Variants in SULF1 observed in about 807,000 individuals in gnomAD.
SULF1 encodes the protein extracellular sulfatase Sulf-1.
Under a neutral mutation model 110.5 loss-of-function variants are expected in SULF1, and 46 were observed. The ratio of observed to expected loss-of-function variants is 0.42; its 90% CI spans 0.33 to 0.53. SULF1 has a LOEUF of 0.53. SULF1 is among the 20% of genes least tolerant of loss of function. The pLI is 0.12. For synonymous variants in SULF1, 371 were observed against 387.1 expected, an observed-to-expected ratio of 0.96 and a Z score of 0.49; for missense variants, 941 against 1,094.2, an observed-to-expected ratio of 0.86 and a Z score of 1.98.
At chr8:69,571,886 A>C (rs562147030) in intron 5 of SULF1, among the ~76,000 whole-genome samples, 1 of 152,322 alleles carries the variant, frequency 6.6e-6, no homozygotes, top group Non-Finnish European at 1.5e-5. Flanking sequence ...ACTGGTACAC[A>C]CTAACACAGT....
rs141225696 is a variant in SULF1, at chr8:69,554,978, C to CAAAAAAAAAAAAAAAAAAAAA, written c.-133-8541_-133-8540insAAAAAAAAAAAAAAAAAAAAA. On this transcript the variant is annotated intron_variant, in intron 3 of 22. Coordinates refer to ENST00000402687, the MANE Select transcript of SULF1 (RefSeq NM_001128205.2). ...TGGGCGACAGGGCGAGATTCCATCT[C>CAAAAAAAAAAAAAAAAAAAAA]AAAAAAAAAAAAAAAAAAAACAAAA... 7.9e-5 allele frequency among the ~76,000 whole-genome samples: 5 copies of CAAAAAAAAAAAAAAAAAAAAA among 63,494 alleles called. 2 individuals carry two copies. The highest frequency in any genetic ancestry group is 3.0e-4 in the African/African-American group (3 of 10,050). 41.7% of individuals were successfully genotyped at this position (63,494 alleles called of 152,430 possible).
intron 8 of SULF1, among the ~76,000 whole-genome samples, chr8:69,591,398 C>CA (rs550550616): frequency 0.017 from 2,472 of 147,144 alleles, 26 homozygotes; most frequent in Middle Eastern, 0.045. Context: ...ACTAAAAATA[C>CA]AAAAAAAAAA....
At chr8:69,597,203 ATCT>A (rs1807409831) in intron 8 of SULF1, 1 of 152,262 alleles carries the variant, frequency 6.6e-6, no homozygotes, top group African/African-American at 2.4e-5. Flanking sequence ...AGAAGGCCGC[ATCT>A]TCGAGGAATT....
At chr8:69,549,976 A>G (rs1326044439) in intron 3 of SULF1, among the ~76,000 whole-genome samples, 1 of 151,996 alleles carries the variant, frequency 6.6e-6, no homozygotes, top group Non-Finnish European at 1.5e-5. Context: ...GGGGCTGTAC[A>G]TGGTGTGTGG....
chr8:69,520,485 A>G (rs1031345114), intron 3 of SULF1, among the ~76,000 whole-genome samples: 4 of 152,180 alleles, frequency 2.6e-5, no homozygotes, highest in African/African-American at 9.7e-5. Flanking sequence ...AACTCCTGAA[A>G]TTTTAAGATA....
intron 1 of SULF1, among the ~76,000 whole-genome samples, chr8:69,494,179 C>T (rs1810156685): frequency 6.6e-6 from 1 of 152,156 alleles, no homozygotes; most frequent in East Asian, 1.9e-4. Flanking sequence ...GCTGTAAGTG[C>T]TGTGATTCAT....
At chr8:69,477,790 G>T (rs1809361594) in intron 1 of SULF1, among the ~76,000 whole-genome samples, 1 of 151,992 alleles carries the variant, frequency 6.6e-6, no homozygotes, top group East Asian at 1.9e-4. Flanking sequence ...CACCTAGATG[G>T]CATTATTCTC....
intron 19 of SULF1, among the ~76,000 whole-genome samples, chr8:69,633,528 C>A (rs1189173356): frequency 6.6e-6 from 1 of 151,440 alleles, no homozygotes; most frequent in Non-Finnish European, 1.5e-5. Flanking sequence ...ACAGGGTTTC[C>A]CCATGTTGGC....
intron 3 of SULF1, among the ~76,000 whole-genome samples, chr8:69,546,670 G>C (rs1814279492): frequency 6.6e-6 from 1 of 152,118 alleles, no homozygotes; most frequent in Non-Finnish European, 1.5e-5. Context: ...ATTAATCCTT[G>C]AGTGATTTAC....
At chr8:69,603,096 T>A (rs1305086383) in intron 10 of SULF1, 96 bp from the exon 11 acceptor site, 1 of 1,544,274 alleles carries the variant, frequency 6.5e-7, no homozygotes, top group Admixed American at 1.7e-5. Context: ...GTGAGAAGAG[T>A]TGAAGGCCAA....
At chr8:69,605,058 A>C (rs940453567) in intron 13 of SULF1, 126 bp downstream of exon 13, 22 of 1,333,492 alleles carry the variant, frequency 1.6e-5, no homozygotes, top group Middle Eastern at 3.8e-4. Context: ...CCTTGAGGGC[A>C]AGCTCACTGA....
At chr8:69,549,525 A>G (rs1447145281) in intron 3 of SULF1, among the ~76,000 whole-genome samples, 11 of 139,416 alleles carry the variant, frequency 7.9e-5, no homozygotes, top group Admixed American at 7.9e-4. Flanking sequence ...ACAAGCCAGG[A>G]TGCCTGGCCT....
At chr8:69,582,350 G>C (rs984088384) in intron 6 of SULF1, among the ~76,000 whole-genome samples, 1 of 152,150 alleles carries the variant, frequency 6.6e-6, no homozygotes, top group African/African-American at 2.4e-5. Flanking sequence ...TACACTGCAG[G>C]ATGGAAAATC....
chr8:69,559,445 T>G lies in SULF1; in HGVS notation c.-133-4094T>G, dbSNP rs541519965. ...ACATTTGTTAACATCACTACCATTG[T>G]CATCAGAAAAAGTTTTACTTATTGG... On this transcript the variant is annotated intron_variant, in intron 3 of 22. Transcript: ENST00000402687. Among the ~76,000 whole-genome samples the G allele has an allele frequency of 2.6e-5, 4 of 152,342 alleles. No homozygotes were observed. The South Asian group carries it at 8.3e-4, about 32-fold the overall frequency.
At chr8:69,652,249 T>A (rs1387094659) in intron 22 of SULF1, among the ~76,000 whole-genome samples, 1 of 152,212 alleles carries the variant, frequency 6.6e-6, no homozygotes, top group African/African-American at 2.4e-5. Context: ...TCAGGATCCA[T>A]GACTTAGTCA....
chr8:69,635,953 T>C (rs1810960971), intron 19 of SULF1, among the ~76,000 whole-genome samples: 1 of 151,988 alleles, frequency 6.6e-6, no homozygotes, highest in Non-Finnish European at 1.5e-5. Flanking sequence ...TTACTTAACA[T>C]CTCCTTGCCT....
At chr8:69,606,106 C>G (rs1266613351) in intron 13 of SULF1, among the ~76,000 whole-genome samples, 2 of 152,202 alleles carry the variant, frequency 1.3e-5, no homozygotes, top group African/African-American at 4.8e-5. Flanking sequence ...TGGCCTCACT[C>G]ATTATACGCT....
In SULF1 at chr8:69,627,745, G is replaced by C. The variant is rs192816717; in HGVS notation, c.1948-27G>C. 6.4e-4 allele frequency: 940 copies of C among 1,466,472 alleles called. 8 individuals are homozygous for C. The highest frequency in any genetic ancestry group is 1.4e-3 in the Admixed American group (78 of 56,804). The allele number at this position is 1,466,472 out of a possible 1,614,324, so 90.8% of individuals were successfully genotyped here. On this transcript the variant is annotated intron_variant, in intron 16 of 22. Coordinates refer to ENST00000402687, the MANE Select transcript of SULF1 (RefSeq NM_001128205.2). ...GTAAAGAAAATCCTGATCTTAATAC[G>C]TAAGTGCTTGAAAACATGTTTTCCA...
chr8:69,473,480 G>C (rs773642947), intron 1 of SULF1, among the ~76,000 whole-genome samples: 1 of 152,222 alleles, frequency 6.6e-6, no homozygotes, highest in Non-Finnish European at 1.5e-5. Context: ...TAGAAGGCTT[G>C]TGATGGGAGT....
Sources: gnomAD v4.1 joint callset for allele counts (sites outside exome capture counted in the v4.1 genomes callset) on GRCh38, gnomAD v4.1.1 for gene constraint, MANE v1.5 for transcripts, NCBI Gene and HGNC (gene_info 2026-07-23, HGNC 2026-07-21) for gene names.